The following DNA2 variants were observed in gnomAD, a reference collection of about 807,000 sequenced individuals.
The protein encoded by DNA2 is DNA replication ATP-dependent helicase/nuclease DNA2.
A neutral mutation model predicts 119.1 loss-of-function variants in DNA2; 101 were observed. The ratio of observed to expected loss-of-function variants is 0.85; its 90% CI spans 0.72 to 1.00. The LOEUF is 1.00. Ranked by LOEUF, DNA2 falls within the 50% of genes least tolerant of loss-of-function variation. DNA2 has a pLI of 0.00. For synonymous variants in DNA2, 366 were observed against 424.4 expected (o/e 0.86, Z 1.69); for missense variants, 1,121 against 1,255.5 (o/e 0.89, Z 1.62).
intron 14 of DNA2, among the ~76,000 whole-genome samples, chr10:68,425,916 C>T (rs1398304190): frequency 2.0e-5 from 3 of 151,720 alleles, no homozygotes; most frequent in Non-Finnish European, 4.4e-5. Context: ...GGGTGAATCA[C>T]TTGAGGCCAG....
At chr10:68,455,882 C>T (rs1163676465) in intron 5 of DNA2, among the ~76,000 whole-genome samples, 1 of 151,868 alleles carries the variant, frequency 6.6e-6, no homozygotes, top group Non-Finnish European at 1.5e-5. Context: ...GCAAGACAAG[C>T]CTTTTTTTAA....
chr10:68,432,135 A>G, intron 12 of DNA2, 71 bp downstream of exon 12: 1 of 1,204,584 alleles, frequency 8.3e-7, no homozygotes, highest in Non-Finnish European at 1.2e-6. Context: ...TAATCAAGAT[A>G]TTAGACTACA....
Position 68,431,989 on chromosome 10 carries a change from A to G in DNA2, c.1874-18T>C, listed in dbSNP as rs767438888. 6 of 1,547,262 alleles carry G rather than the reference A, an allele frequency of 3.9e-6. No homozygotes were observed. In the South Asian group the frequency reaches 6.9e-5, roughly 18 times the overall value. ...ATTCAAACCTACATTTAAATTCAAA[A>G]ATAACAGGAAAAAGAGTGTTGAATT... is the stretch of plus-strand genomic sequence containing the variant. On this transcript the variant is annotated intron_variant, in intron 12 of 20. Transcript: ENST00000358410.
At chr10:68,425,636 C>G (rs532752684) in intron 14 of DNA2, among the ~76,000 whole-genome samples, 1 of 151,800 alleles carries the variant, frequency 6.6e-6, no homozygotes, top group Non-Finnish European at 1.5e-5. Flanking sequence ...CTCCTGACCT[C>G]GTGATCCGCC....
intron 14 of DNA2, among the ~76,000 whole-genome samples, chr10:68,430,012 T>C (rs998974652): frequency 1.3e-5 from 2 of 150,642 alleles, no homozygotes; most frequent in African/African-American, 4.9e-5. Context: ...GCCTCCCAAG[T>C]AGCTGGAATT....
chr10:68,419,767 C>CTTTA, intron 18 of DNA2, 36 bp downstream of exon 18: 1 of 1,480,666 alleles, frequency 6.8e-7, no homozygotes, highest in Non-Finnish European at 9.4e-7. Context: ...TTATTCTGCA[C>CTTTA]TTTAATATTT....
intron 5 of DNA2, among the ~76,000 whole-genome samples, chr10:68,457,098 C>T (rs1452157411): frequency 1.3e-5 from 2 of 150,610 alleles, no homozygotes; most frequent in Admixed American, 6.6e-5. Flanking sequence ...CGCGCCACTG[C>T]ACTCCAGCCT....
intron 5 of DNA2, among the ~76,000 whole-genome samples, chr10:68,453,844 T>C (rs2052150636): frequency 1.3e-5 from 2 of 152,182 alleles, no homozygotes; most frequent in South Asian, 4.1e-4. Context: ...ATGATGACAT[T>C]GCCTAACACC....
In DNA2 at chr10:68,432,543, C is replaced by T. The variant is rs371849484; in HGVS notation, c.1647-33G>A. 40 of 1,163,932 alleles carry T rather than the reference C, an allele frequency of 3.4e-5. No homozygotes were observed. In the East Asian group the frequency reaches 6.6e-4, roughly 19 times the overall value. 72.1% of individuals were successfully genotyped at this position (1,163,932 alleles called of 1,614,324 possible). On this transcript the variant is annotated intron_variant, in intron 10 of 20. Transcript: ENST00000358410. ...AACAAAACAAATATACATGAATGCT[C>T]GCCATTTCGCATAGTCTGTATAAGA...
chr10:68,416,838 T>A lies in DNA2; in HGVS notation c.2985A>T (p.Lys995Asn). The A allele has an allele frequency of 6.2e-7, 1 of 1,608,168 alleles. No homozygotes were observed. The highest frequency in any genetic ancestry group is 8.5e-7 in the Non-Finnish European group (1 of 1,177,750). Residue 995 changes from lysine (K) to asparagine (N), a missense_variant, in exon 20 of 21, where the codon AAA becomes AAT. Lys to Asn is a moderately conservative substitution (Grantham distance 94). Transcript: ENST00000358410. ...TAGCAACATTAAGACGTCGCCAATC[T>A]TTCAAGAGTTCACCAACCTGTAAGA... ...NKDGTVGELLKDWRRLNVAIT... is the reference protein window; with the variant it reads ...NKDGTVGELLNDWRRLNVAIT...
Position 68,468,261 on chromosome 10 carries a change from T to C in DNA2, c.303A>G (p.Gly101=), listed in dbSNP as rs761162695. 8.7e-6 allele frequency: 14 copies of C among 1,609,402 alleles called. No individual in the cohort carries two copies. The highest frequency in any genetic ancestry group is 9.3e-6 in the Non-Finnish European group (11 of 1,178,304). The change falls in exon 3 of 21, where the codon GGA becomes GGG. Residue 101 remains glycine, a synonymous_variant. Transcript: ENST00000358410. Reference sequence around the variant, plus strand: ...TTATCCAAGTGTCAGATGTGCAGTCTCCCTCCAAATGAATGATATCTCCTG... The same window carrying C: ...TTATCCAAGTGTCAGATGTGCAGTCCCCCTCCAAATGAATGATATCTCCTG... ...VEPGDIIHLE[G]DCTSDTWIID... is the part of the protein sequence containing the mutation.
At chr10:68,443,681 G>A (rs1023108839) in intron 8 of DNA2, among the ~76,000 whole-genome samples, 3 of 152,196 alleles carry the variant, frequency 2.0e-5, no homozygotes, top group South Asian at 2.1e-4. Flanking sequence ...GAGTGCAGAG[G>A]CTCATGCCTA....
chr10:68,443,147 A>C, intron 8 of DNA2, 36 bp from the exon 9 acceptor site: 1 of 1,511,134 alleles, frequency 6.6e-7, no homozygotes, highest in Non-Finnish European at 8.9e-7. Flanking sequence ...ATGCTTATAA[A>C]CCATTTCCCT....
chr10:68,465,540 G>T, intron 4 of DNA2, 127 bp downstream of exon 4: 2 of 747,532 alleles, frequency 2.7e-6, no homozygotes, highest in Non-Finnish European at 3.8e-6. Context: ...CAATGTACTA[G>T]AACTATGAAA....
intron 17 of DNA2, among the ~76,000 whole-genome samples, chr10:68,421,893 T>TA (rs1359014978): frequency 6.6e-6 from 1 of 151,974 alleles, no homozygotes; most frequent in Non-Finnish European, 1.5e-5. Context: ...CAGCTCACTG[T>TA]AACCTCCGCC....
At chr10:68,427,823 G>A (rs2051763110) in intron 14 of DNA2, among the ~76,000 whole-genome samples, 7 of 151,362 alleles carry the variant, frequency 4.6e-5, no homozygotes, top group Admixed American at 4.0e-4. Context: ...CACGAGGTCG[G>A]GAGCTCAAGA....
chr10:68,444,562 T>C (rs1219856344), intron 8 of DNA2, among the ~76,000 whole-genome samples: 2 of 151,180 alleles, frequency 1.3e-5, no homozygotes, highest in African/African-American at 2.4e-5. Context: ...TCTTCTCTAC[T>C]AAAAATACAA....
chr10:68,447,081 T>C (rs1473345794), intron 6 of DNA2, among the ~76,000 whole-genome samples: 1 of 152,144 alleles, frequency 6.6e-6, no homozygotes, highest in Non-Finnish European at 1.5e-5. Flanking sequence ...TATTACGTAT[T>C]GCATGCCTAT....
intron 5 of DNA2, among the ~76,000 whole-genome samples, chr10:68,450,995 A>T (rs1224739298): frequency 2.6e-5 from 4 of 151,792 alleles, no homozygotes; most frequent in Non-Finnish European, 5.9e-5. Context: ...CAGCTACCCA[A>T]AGGCTAAGGC....
Sources: allele counts gnomAD v4.1 joint callset (sites outside exome capture counted in the v4.1 genomes callset), GRCh38; gene constraint gnomAD v4.1.1; transcripts MANE v1.5; gene names NCBI Gene and HGNC (gene_info 2026-07-23, HGNC 2026-07-21).